The following ZC3H14 variants were observed in gnomAD, a reference collection of about 807,000 sequenced individuals.
ZC3H14 encodes zinc finger CCCH-type containing 14.
ZC3H14 carries 31 observed loss-of-function variants against 92.4 expected under a neutral mutation model. That is an observed-to-expected ratio of 0.34 (90% CI 0.25 to 0.45). The LOEUF (loss-of-function observed/expected upper bound fraction) is 0.45. Ranked by LOEUF, ZC3H14 falls within the 20% of genes least tolerant of loss-of-function variation. The probability of loss-of-function intolerance (pLI) is 1.00; values close to 1 mark genes in which losing one functional copy is unlikely to be tolerated. For missense variants in ZC3H14, 781 were observed against 897.3 expected, an observed-to-expected ratio of 0.87 and a Z score of 1.66; for synonymous variants, 321 against 300.9, an observed-to-expected ratio of 1.07 and a Z score of -0.69.
intron 3 of ZC3H14, among the ~76,000 whole-genome samples, chr14:88,569,086 T>A (rs1367607835): frequency 6.6e-6 from 1 of 152,148 alleles, no homozygotes; most frequent in East Asian, 1.9e-4. Flanking sequence ...TGGATGCTCT[T>A]GAACTCCTGG....
Position 88,596,813 on chromosome 14 carries a change from G to T in ZC3H14, c.1354+5G>T, listed in dbSNP as rs762706922. The T allele has an allele frequency of 1.2e-6, 2 of 1,613,534 alleles. No individual in the cohort carries two copies. The highest frequency in any genetic ancestry group is 3.3e-5 in the Admixed American group (2 of 60,006). Reference sequence around the variant, plus strand: ...AAACTCTGCAGATGAGTCAAGGTTGGTAATGTTTCAAGTTGTACTGTAATC... The same window carrying T: ...AAACTCTGCAGATGAGTCAAGGTTGTTAATGTTTCAAGTTGTACTGTAATC... On this transcript the variant is annotated splice_donor_5th_base_variant and intron_variant, in intron 10 of 16. Coordinates refer to ENST00000251038, the MANE Select transcript of ZC3H14 (RefSeq NM_024824.5).
intron 9 of ZC3H14, among the ~76,000 whole-genome samples, chr14:88,588,442 C>G (rs967551840): frequency 6.6e-6 from 1 of 152,186 alleles, no homozygotes; most frequent in East Asian, 1.9e-4. Flanking sequence ...AGGTTGAAGT[C>G]ATTTTCTTCA....
In ZC3H14 at chr14:88,607,369, T is replaced by C; in HGVS notation, c.1868+6T>C. On this transcript the variant is annotated splice_donor_region_variant and intron_variant, in intron 13 of 16. Coordinates refer to ENST00000251038, the MANE Select transcript of ZC3H14 (RefSeq NM_024824.5). ...CACCCCATCTCACCCTGCAAGTGAGTACCATCCCCCCATCTCACCCTGCAA... is the reference window on the plus strand; with the variant it reads ...CACCCCATCTCACCCTGCAAGTGAGCACCATCCCCCCATCTCACCCTGCAA... 2 of 1,598,438 alleles carry C rather than the reference T, an allele frequency of 1.3e-6. No individual in the cohort carries two copies. The highest frequency in any genetic ancestry group is 8.5e-7 in the Non-Finnish European group (1 of 1,173,792).
chr14:88,602,210 C>A, intron 11 of ZC3H14, 127 bp downstream of exon 11: 3 of 1,298,180 alleles, frequency 2.3e-6, no homozygotes, highest in Non-Finnish European at 3.3e-6. Flanking sequence ...GATTCAGTAG[C>A]TAGCCCATGA....
intron 14 of ZC3H14, 135 bp downstream of exon 14, chr14:88,609,538 A>G: frequency 7.0e-7 from 1 of 1,435,386 alleles, no homozygotes; most frequent in Non-Finnish European, 9.7e-7. Flanking sequence ...ACCAGTCTTT[A>G]AAGAGCAAGT....
intron 8 of ZC3H14, among the ~76,000 whole-genome samples, chr14:88,576,238 T>G (rs1185564580): frequency 6.6e-6 from 1 of 152,236 alleles, no homozygotes; most frequent in Non-Finnish European, 1.5e-5. Flanking sequence ...AGTAGGACTT[T>G]CATATTAGTA....
chr14:88,588,501 T>C (rs1434903807), intron 9 of ZC3H14, among the ~76,000 whole-genome samples: 1 of 152,180 alleles, frequency 6.6e-6, no homozygotes, highest in East Asian at 1.9e-4. Context: ...GTGTTGATGC[T>C]GAGAACTTGG....
At chr14:88,569,712 T>G (rs948698496) in intron 3 of ZC3H14, among the ~76,000 whole-genome samples, 6 of 152,220 alleles carry the variant, frequency 3.9e-5, no homozygotes, top group Non-Finnish European at 7.3e-5. Context: ...GAGATGAGCC[T>G]GGTTAAGTTC....
Position 88,620,559 on chromosome 14 carries a change from G to T in ZC3H14, c.*8808G>T. 2.2e-6 allele frequency: 1 copy of T among 448,630 alleles called. No homozygotes were observed. Among genetic ancestry groups the T allele is most frequent in the Non-Finnish European group, 3.8e-6 (1 of 260,394 alleles). The allele number at this position is 448,630 out of a possible 1,614,324, so 27.8% of individuals were successfully genotyped here. On this transcript the variant is annotated 3_prime_UTR_variant, in exon 17 of 17. Coordinates refer to ENST00000251038, the MANE Select transcript of ZC3H14 (RefSeq NM_024824.5). This position sits in a 1 kb window ranked among gnomAD's most constrained non-coding sequence, Gnocchi z 4.3. ...CCTACTAGTACTTGCTATTATAGTT[G>T]GTGCCCAGTGGGTTTATAATTTAGC...
At chr14:88,567,321 T>C (rs919205034) in intron 2 of ZC3H14, among the ~76,000 whole-genome samples, 20 of 151,702 alleles carry the variant, frequency 1.3e-4, no homozygotes, top group Non-Finnish European at 2.1e-4. Flanking sequence ...TTCACTGTGT[T>C]AGCCAGGATG....
At chr14:88,600,401 G>A (rs2084443853) in intron 10 of ZC3H14, among the ~76,000 whole-genome samples, 1 of 151,324 alleles carries the variant, frequency 6.6e-6, no homozygotes, top group Admixed American at 6.6e-5. Flanking sequence ...GTTTGATCAG[G>A]CCACTTCCTT....
intron 9 of ZC3H14, among the ~76,000 whole-genome samples, chr14:88,583,543 CAG>C (rs992158708): frequency 6.6e-6 from 1 of 152,090 alleles, no homozygotes; most frequent in African/African-American, 2.4e-5. Flanking sequence ...TTTTCATTAT[CAG>C]AGTGTCTTTA....
In ZC3H14 at chr14:88,620,621, A is replaced by C; in HGVS notation, c.*8870A>C. On this transcript the variant is annotated 3_prime_UTR_variant, in exon 17 of 17. Coordinates refer to ENST00000251038, the MANE Select transcript of ZC3H14 (RefSeq NM_024824.5). The surrounding 1 kb of genome is among the most constrained non-coding windows in gnomAD (Gnocchi z 4.3). ...AGTAGTATACAAACAGCCATATTTT[A>C]GCATACAATTTATAATACGGGAAAT... The C allele has an allele frequency of 1.4e-6, 1 of 710,370 alleles. No individual in the cohort carries two copies. The highest frequency in any genetic ancestry group is 2.1e-6 in the Non-Finnish European group (1 of 475,434). The allele number at this position is 710,370 out of a possible 1,614,324, so 44.0% of individuals were successfully genotyped here. A position where few individuals can be genotyped will look rare whatever the true frequency, so the allele number is the denominator to read the frequency against.
intron 14 of ZC3H14, 115 bp from the exon 15 acceptor site, chr14:88,609,597 C>G: frequency 7.2e-7 from 1 of 1,381,282 alleles, no homozygotes; most frequent in South Asian, 1.2e-5. Context: ...AATATATAAA[C>G]CTTACCATTC....
At chr14:88,596,196 G>C (rs1201278185) in intron 9 of ZC3H14, among the ~76,000 whole-genome samples, 2 of 152,226 alleles carry the variant, frequency 1.3e-5, no homozygotes, top group Non-Finnish European at 2.9e-5. Flanking sequence ...ATAGGGTGTG[G>C]ATTGTAGAGC....
chr14:88,571,200 T>A, intron 4 of ZC3H14, 76 bp downstream of exon 4: 1 of 1,348,242 alleles, frequency 7.4e-7, no homozygotes, highest in Non-Finnish European at 1.0e-6. Flanking sequence ...GTCATAGTGC[T>A]TTGGGAAAAA....
At chr14:88,584,420 TA>T (rs1275844133) in intron 9 of ZC3H14, among the ~76,000 whole-genome samples, 1 of 152,208 alleles carries the variant, frequency 6.6e-6, no homozygotes, top group Admixed American at 6.5e-5. Context: ...TTTACTATCT[TA>T]AAACATACAC....
intron 10 of ZC3H14, among the ~76,000 whole-genome samples, chr14:88,600,581 G>A (rs1045462956): frequency 7.9e-5 from 12 of 151,900 alleles, no homozygotes; most frequent in African/African-American, 2.7e-4. Flanking sequence ...AGCTGGGACT[G>A]CGGGCATGTG....
At position 88,568,149 on chromosome 14, in the gene ZC3H14, G is replaced by A. The variant is rs751934455; in HGVS notation, c.190G>A (p.Val64Ile). The A allele has an allele frequency of 8.7e-6, 14 of 1,613,322 alleles. No homozygotes were observed. Among genetic ancestry groups the A allele is most frequent in the African/African-American group, 6.7e-5 (5 of 74,908 alleles). Residue 64 changes from valine to isoleucine, a missense_variant, in exon 3 of 17, where the codon GTA becomes ATA. Around this residue, in one of 3 missense-constraint regions of ZC3H14, gnomAD observed 106 missense variants for 154.2 expected, o/e 0.69. Coordinates refer to ENST00000251038, the MANE Select transcript of ZC3H14 (RefSeq NM_024824.5). ...AGGGAACAACACAATTCGATTCACC[G>A]TATGGTATGTTTCTGAATTTTTGTG... ...FLGNNTIRFTVWLHGVLDKLR... is the reference protein window; with the variant it reads ...FLGNNTIRFTIWLHGVLDKLR...
Sources: gnomAD v4.1 joint callset for allele counts (sites outside exome capture counted in the v4.1 genomes callset) on GRCh38, gnomAD v4.1.1 for gene constraint, gnomAD v4.1.1 regional missense constraint, Gnocchi (gnomAD v3.1) non-coding constraint, MANE v1.5 for transcripts, NCBI Gene and HGNC (gene_info 2026-07-23, HGNC 2026-07-21) for gene names.